Variants in DHTKD1 observed in about 807,000 individuals in gnomAD.
The protein encoded by DHTKD1 is 2-oxoadipate dehydrogenase complex component E1.
In DHTKD1, 78 loss-of-function variants were observed where a neutral mutation model predicts 101.8. The ratio of observed to expected loss-of-function variants is 0.77; its 90% CI spans 0.64 to 0.93. The LOEUF (loss-of-function observed/expected upper bound fraction) is 0.93. Among genes scored for constraint, DHTKD1 ranks in the 40% least tolerant of loss-of-function variants. The pLI is 0.00. For synonymous variants in DHTKD1, 462 were observed against 450.3 expected, an observed-to-expected ratio of 1.03 and a Z score of -0.33; for missense variants, 1,223 against 1,161.7, an observed-to-expected ratio of 1.05 and a Z score of -0.77.
At chr10:12,080,018 C>G (rs1413769250) in intron 1 of DHTKD1, among the ~76,000 whole-genome samples, 1 of 151,950 alleles carries the variant, frequency 6.6e-6, no homozygotes, top group Admixed American at 6.6e-5. Flanking sequence ...AGGTGGCTCA[C>G]GCCTGTAATC....
intron 1 of DHTKD1, among the ~76,000 whole-genome samples, chr10:12,076,872 A>G (rs1324139252): frequency 2.7e-5 from 4 of 150,140 alleles, no homozygotes; most frequent in Non-Finnish European, 4.4e-5. Context: ...TAGCCAAGAT[A>G]GTCTCGATCT....
Position 12,106,256 on chromosome 10 carries a change from G to GCC in DHTKD1, c.1909_1910dup (p.Leu638HisfsTer14), listed in dbSNP as rs766696652. 1.2e-6 allele frequency: 2 copies of GCC among 1,614,112 alleles called. No individual in the cohort carries two copies. Among genetic ancestry groups the GCC allele is most frequent in the Admixed American group, 3.3e-5 (2 of 60,010 alleles). On this transcript the variant is annotated frameshift_variant, in exon 11 of 17. Coordinates refer to ENST00000263035, the MANE Select transcript of DHTKD1 (RefSeq NM_018706.7). LOFTEE classifies it high-confidence loss of function. ...CTTCTCTGGGATTAGGTCAGCAACA[G>GCC]CCCACTGTCAGAAGAGGCCGTCCTG...
chr10:12,076,463 G>A (rs1389751109), intron 1 of DHTKD1, among the ~76,000 whole-genome samples: 2 of 151,848 alleles, frequency 1.3e-5, no homozygotes, highest in African/African-American at 4.8e-5. Flanking sequence ...GCAACAGAGC[G>A]AGACTCTGTC....
At chr10:12,098,826 A>C (rs907799822) in intron 8 of DHTKD1, among the ~76,000 whole-genome samples, 5 of 152,178 alleles carry the variant, frequency 3.3e-5, no homozygotes, top group African/African-American at 1.2e-4. Flanking sequence ...TGGCCTCCCA[A>C]AGTGCTGGGT....
At chr10:12,105,928 C>G (rs986803183) in intron 10 of DHTKD1, among the ~76,000 whole-genome samples, 5 of 152,086 alleles carry the variant, frequency 3.3e-5, no homozygotes, top group Non-Finnish European at 4.4e-5. Context: ...AACCCTGTTT[C>G]TACTAAAAGT....
At chr10:12,095,829 AAAAAG>A (rs1399391243) in intron 7 of DHTKD1, among the ~76,000 whole-genome samples, 3,178 of 88,574 alleles carry the variant, frequency 0.036, 174 homozygotes, top group East Asian at 0.064. Flanking sequence ...AAAAAAAAAA[AAAAAG>A]AAAAGAAAAG....
intron 5 of DHTKD1, 28 bp from the exon 6 acceptor site, chr10:12,091,485 C>CTAA: frequency 6.8e-7 from 1 of 1,476,166 alleles, no homozygotes; most frequent in Non-Finnish European, 9.1e-7. Context: ...CTTTTCTCCC[C>CTAA]ACCCGCTCCC....
At chr10:12,081,829 C>G (rs1385303824) in intron 2 of DHTKD1, among the ~76,000 whole-genome samples, 1 of 151,890 alleles carries the variant, frequency 6.6e-6, no homozygotes, top group Non-Finnish European at 1.5e-5. Context: ...TCTCAAGGTT[C>G]AAAAACATTT....
chr10:12,114,379 C>T (rs560496627), intron 13 of DHTKD1, among the ~76,000 whole-genome samples: 2 of 152,066 alleles, frequency 1.3e-5, no homozygotes, highest in Admixed American at 6.6e-5. Context: ...TCACTGCAAC[C>T]TCCAACTCCC....
intron 2 of DHTKD1, among the ~76,000 whole-genome samples, chr10:12,082,616 CTT>C (rs71382616): frequency 6.9e-6 from 1 of 144,944 alleles, no homozygotes. Context: ...TCTCTTTTTT[CTT>C]TTTTTTTTTT....
chr10:12,092,601 C>G (rs370856326), intron 6 of DHTKD1, among the ~76,000 whole-genome samples: 3 of 151,692 alleles, frequency 2.0e-5, no homozygotes, highest in African/African-American at 7.3e-5. Flanking sequence ...CTTGGGAGTT[C>G]GAGACCAGCC....
intron 5 of DHTKD1, among the ~76,000 whole-genome samples, chr10:12,091,066 A>T (rs1832983116): frequency 6.6e-6 from 1 of 152,078 alleles, no homozygotes; most frequent in Non-Finnish European, 1.5e-5. Context: ...AAAAAAACAA[A>T]AAAAGATTGA....
intron 16 of DHTKD1, 50 bp from the exon 17 acceptor site, chr10:12,120,737 C>G: frequency 6.7e-7 from 1 of 1,487,158 alleles, no homozygotes. Flanking sequence ...CTAAGCAGAG[C>G]TCTGATCTAG....
In DHTKD1 at chr10:12,068,973, A is replaced by C; in HGVS notation, c.-61A>C. 1.3e-6 allele frequency: 2 copies of C among 1,596,664 alleles called. No individual in the cohort carries two copies. The highest frequency in any genetic ancestry group is 4.5e-5 in the East Asian group (2 of 44,346). On this transcript the variant is annotated 5_prime_UTR_variant, in exon 1 of 17. Coordinates refer to ENST00000263035, the MANE Select transcript of DHTKD1 (RefSeq NM_018706.7). ...GCCTCTGACGAGTCCCGGATTTACCAGGGCCGGTGGGATCCCCTCGGGCTC... is the reference window on the plus strand; with the variant it reads ...GCCTCTGACGAGTCCCGGATTTACCCGGGCCGGTGGGATCCCCTCGGGCTC...
chr10:12,092,202 T>G (rs4333925), intron 6 of DHTKD1, among the ~76,000 whole-genome samples: 1 of 151,970 alleles, frequency 6.6e-6, no homozygotes, highest in Non-Finnish European at 1.5e-5. Flanking sequence ...AGGCTGGTCT[T>G]GAACTCCTGA....
At chr10:12,083,627 G>A (rs1832855393) in intron 2 of DHTKD1, among the ~76,000 whole-genome samples, 1 of 151,822 alleles carries the variant, frequency 6.6e-6, no homozygotes. Flanking sequence ...CCAGCTACTC[G>A]GGAGGCTGAG....
chr10:12,080,308 A>G (rs1588603384), intron 1 of DHTKD1, among the ~76,000 whole-genome samples: 1 of 151,868 alleles, frequency 6.6e-6, no homozygotes, highest in South Asian at 2.1e-4. Flanking sequence ...TCAAAAAAAA[A>G]AAAAAAAAAA....
Position 12,105,765 on chromosome 10 carries a change from A to G in DHTKD1, c.1897-481A>G, listed in dbSNP as rs547363881. Among the ~76,000 whole-genome samples, 131 of 152,182 alleles carry G rather than the reference A, an allele frequency of 8.6e-4. 2 individuals are homozygous for G. The highest frequency in any genetic ancestry group is 3.4e-3 in the Middle Eastern group (1 of 294). ...CTTTGTCCCAACTTTTCTCATCTGCATCACTGACACCAAGCAGCAAATCTC... is the reference window on the plus strand; with the variant it reads ...CTTTGTCCCAACTTTTCTCATCTGCGTCACTGACACCAAGCAGCAAATCTC... On this transcript the variant is annotated intron_variant, in intron 10 of 16. Coordinates refer to ENST00000263035, the MANE Select transcript of DHTKD1 (RefSeq NM_018706.7).
chr10:12,097,685 G>A lies in DHTKD1; in HGVS notation c.1360G>A (p.Ala454Thr). 1 of 1,606,768 alleles carries A rather than the reference G, an allele frequency of 6.2e-7. No homozygotes were observed. The highest frequency in any genetic ancestry group is 1.1e-5 in the South Asian group (1 of 89,996). The stretch of plus-strand genomic sequence containing the variant: ...TTGTTTCTTCTCTTTCTTGGGCAGA[G>A]CTCGAAAGAGCATTCCAGACACATA... ...TNPIMYKIIRARKSIPDTYAE... is the reference protein window; with the variant it reads ...TNPIMYKIIRTRKSIPDTYAE... The change falls in exon 8 of 17, where the codon GCT (alanine) becomes ACT (threonine). Residue 454 changes from alanine (A) to threonine (T), a missense_variant and splice_region_variant. Transcript: ENST00000263035.
Sources: gnomAD v4.1 joint callset for allele counts (sites outside exome capture counted in the v4.1 genomes callset) on GRCh38, gnomAD v4.1.1 for gene constraint, MANE v1.5 for transcripts, NCBI Gene and HGNC (gene_info 2026-07-23, HGNC 2026-07-21) for gene names.